ENO3: variants seen among roughly 807,000 people sequenced by gnomAD.
The protein encoded by ENO3 is beta-enolase.
In ENO3, 46 loss-of-function variants were observed where a neutral mutation model predicts 47.7. The ratio of observed to expected loss-of-function variants is 0.96; its 90% CI spans 0.76 to 1.23. ENO3 has a LOEUF of 1.23. Ranked by LOEUF, ENO3 falls within the 50% of genes most tolerant of loss-of-function variation. The pLI is 0.00. For synonymous variants in ENO3, 223 were observed against 225.9 expected (o/e 0.99, Z 0.11); for missense variants, 575 against 566.2 (o/e 1.02, Z -0.16).
chr17:4,952,699 T>C, intron 2 of ENO3, 96 bp from the exon 3 acceptor site: 1 of 1,224,710 alleles, frequency 8.2e-7, no homozygotes, highest in East Asian at 2.5e-5. Context: ...TGATCTCAAG[T>C]GATCCACCTG....
chr17:4,951,948 G>A (rs1312349938), intron 2 of ENO3, 34 bp downstream of exon 2: 38 of 1,610,286 alleles, frequency 2.4e-5, no homozygotes, highest in East Asian at 8.9e-5. Context: ...GCTCGCCTCC[G>A]AAGACCCCAA....
upstream of ENO3, chr17:4,948,736 A>G (rs148770753): frequency 6.0e-3 from 1,834 of 305,312 alleles, 9 homozygotes; most frequent in East Asian, 0.024. Context: ...AGCAATGCAG[A>G]AGGATGGGGG....
chr17:4,955,712 A>G, intron 8 of ENO3, 108 bp downstream of exon 8: 1 of 1,517,570 alleles, frequency 6.6e-7, no homozygotes, highest in Non-Finnish European at 9.1e-7. Context: ...TCCAATTCTT[A>G]GCCCCATTAA....
At chr17:4,955,894 C>CCTGTCTCTGCT (rs1404678493) in intron 8 of ENO3, 48 bp from the exon 9 acceptor site, 1 of 985,284 alleles carries the variant, frequency 1.0e-6, no homozygotes, top group Admixed American at 2.1e-5. Context: ...CTGTCTCTGC[C>CCTGTCTCTGCT]CTGTCTCTGC....
rs938423298 is a variant in ENO3, at chr17:4,956,856, C to T, written c.1202C>T (p.Ser401Leu). ...ATCAAGACTGGCGCCCCCTGCCGCT[C>T]GGAGCGTCTGGCCAAATACAACCAA... ...GQIKTGAPCR[S>L]ERLAKYNQLM... Residue 401 changes from serine (S) to leucine (L), a missense_variant, in exon 11 of 12, where the codon TCG becomes TTG. Transcript: ENST00000519602. 19 of 1,614,184 alleles carry T rather than the reference C, an allele frequency of 1.2e-5. No homozygotes were observed. The highest frequency in any genetic ancestry group is 4.5e-5 in the East Asian group (2 of 44,886).
At chr17:4,953,929 C>A in intron 6 of ENO3, 84 bp downstream of exon 6, 1 of 1,601,948 alleles carries the variant, frequency 6.2e-7, no homozygotes, top group Non-Finnish European at 8.5e-7. Flanking sequence ...CTGGAAAATC[C>A]ACCTTTCAGA....
Position 4,955,144 on chromosome 17 carries a change from C to T in ENO3, c.514C>T (p.Pro172Ser). Residue 172 changes from proline to serine, a missense_variant, in exon 7 of 12, where the codon CCT becomes TCT. Pro to Ser is a moderately conservative substitution (Grantham distance 74, BLOSUM62 -1). Coordinates refer to ENST00000519602, the MANE Select transcript of ENO3 (RefSeq NM_053013.4). ...KLAMQEFMIL[P>S]VGASSFKEAM... ...GGCCATGCAGGAGTTCATGATTCTG[C>T]CTGTGGGAGCCAGCTCCTTCAAGGA... 6.2e-7 allele frequency: 1 copy of T among 1,614,244 alleles called. No homozygotes were observed. Among genetic ancestry groups the T allele is most frequent in the Non-Finnish European group, 8.5e-7 (1 of 1,180,038 alleles).
upstream of ENO3, chr17:4,950,100 CGG>C (rs1475554837): frequency 6.6e-6 from 1 of 151,442 alleles, no homozygotes; most frequent in Admixed American, 6.6e-5. Context: ...GAGAGGGCGG[CGG>C]GGGTGAGTCA....
upstream of ENO3, chr17:4,949,065 C>G (rs966186689): frequency 1.3e-5 from 2 of 151,874 alleles, no homozygotes; most frequent in Admixed American, 6.6e-5. Context: ...GCGCCCGGCC[C>G]GACCCGTGTG....
intron 6 of ENO3, chr17:4,954,068 C>A: frequency 1.5e-6 from 1 of 670,242 alleles, no homozygotes. Context: ...TAACCCAGTT[C>A]CTTCCCATTC....
At position 4,953,104 on chromosome 17, in the gene ENO3, C is replaced by CA. The variant is rs753486120; in HGVS notation, c.239dup (p.Lys81GlufsTer11). Reference sequence around the variant, plus strand: ...CAATACTCTGGGCCCTGCTCTGCTGCAAAAGGCAAGTGGGGAAGCCCGCTC... The same window carrying CA: ...CAATACTCTGGGCCCTGCTCTGCTGCAAAAAGGCAAGTGGGGAAGCCCGCTC... On this transcript the variant is annotated frameshift_variant, in exon 4 of 12. Coordinates refer to ENST00000519602, the MANE Select transcript of ENO3 (RefSeq NM_053013.4). LOFTEE classifies it high-confidence loss of function. 7 of 1,614,076 alleles carry CA rather than the reference C, an allele frequency of 4.3e-6. No individual in the cohort carries two copies. The highest frequency in any genetic ancestry group is 1.7e-4 in the Middle Eastern group (1 of 6,058).
At chr17:4,953,513 T>C (rs1413191516) in intron 5 of ENO3, among the ~76,000 whole-genome samples, 172 bp downstream of exon 5, 2 of 152,178 alleles carry the variant, frequency 1.3e-5, no homozygotes, top group African/African-American at 4.8e-5. Flanking sequence ...CTGCCAGGCC[T>C]GGGCCGGGCT....
rs372893427 is a variant in ENO3, at chr17:4,956,815, C to T, written c.1177-16C>T. On this transcript the variant is annotated splice_polypyrimidine_tract_variant and intron_variant, in intron 10 of 11. Transcript: ENST00000519602. ...CCAGCCTCACCTAACCCTCCAAATTCTTCTTCCCTCATCAGATCAAGACTG... is the reference window on the plus strand; with the variant it reads ...CCAGCCTCACCTAACCCTCCAAATTTTTCTTCCCTCATCAGATCAAGACTG... The T allele has an allele frequency of 4.0e-5, 64 of 1,614,038 alleles. No individual in the cohort carries two copies. Among genetic ancestry groups the T allele is most frequent in the Non-Finnish European group, 4.9e-5 (58 of 1,180,016 alleles).
chr17:4,954,045 C>A, intron 6 of ENO3, 200 bp downstream of exon 6: 1 of 797,002 alleles, frequency 1.3e-6, no homozygotes. Context: ...TATGTGCTTC[C>A]TTCCCTGCCA....
At chr17:4,953,137 C>G (rs967756914) in intron 4 of ENO3, 28 bp downstream of exon 4, 2 of 1,614,026 alleles carry the variant, frequency 1.2e-6, no homozygotes, top group Admixed American at 1.7e-5. Flanking sequence ...CTCGCTGCAG[C>G]CTCCTCCCCA....
upstream of ENO3, chr17:4,951,031 A>C (rs1471353931): frequency 4.1e-6 from 4 of 986,014 alleles, no homozygotes; most frequent in Non-Finnish European, 4.8e-6. Flanking sequence ...CCCAGTGTGA[A>C]GGGGGGAGGA....
chr17:4,956,189 C>T (rs569602546), intron 9 of ENO3, 46 bp downstream of exon 9: 3 of 1,600,518 alleles, frequency 1.9e-6, no homozygotes, highest in Middle Eastern at 1.7e-4. Context: ...TGCCTCTGCC[C>T]CAGCTCTGCC....
At chr17:4,955,861 C>CTTGT in intron 8 of ENO3, 81 bp from the exon 9 acceptor site, 3 of 676,834 alleles carry the variant, frequency 4.4e-6, no homozygotes, top group Non-Finnish European at 7.2e-6. Context: ...CTGTCTCTGC[C>CTTGT]CTGTCTCTGC....
At chr17:4,955,841 TGTCTCTGCCCTGTCTCTGCCC>T in intron 8 of ENO3, 80 bp from the exon 9 acceptor site, 1 of 488,304 alleles carries the variant, frequency 2.0e-6, no homozygotes. Flanking sequence ...GTCTCTGCCC[TGTCTCTGCCCTGTCTCTGCCC>T]TGTCTCTGCT....
Sources: gnomAD v4.1 joint callset for allele counts (sites outside exome capture counted in the v4.1 genomes callset) on GRCh38, gnomAD v4.1.1 for gene constraint, MANE v1.5 for transcripts, NCBI Gene and HGNC (gene_info 2026-07-23, HGNC 2026-07-21) for gene names.